FCHSD2: variants seen among roughly 807,000 people sequenced by gnomAD.
FCHSD2 encodes the protein F-BAR and double SH3 domains protein 2.
Under a neutral mutation model 108.1 loss-of-function variants are expected in FCHSD2, and 38 were observed. The observed-to-expected ratio is 0.35, with a 90% confidence interval of 0.27 to 0.46. The LOEUF is 0.46. Ranked by LOEUF, FCHSD2 falls within the 20% of genes least tolerant of loss-of-function variation. The pLI is 1.00. For synonymous variants in FCHSD2, 279 were observed against 314.7 expected (o/e 0.89, Z 1.20); for missense variants, 751 against 897.8 (o/e 0.84, Z 2.09).
intron 4 of FCHSD2, among the ~76,000 whole-genome samples, chr11:73,006,430 CATT>C (rs1342078148): frequency 8.5e-5 from 13 of 152,202 alleles, no homozygotes; most frequent in Admixed American, 5.9e-4. Flanking sequence ...CTGGAATCAT[CATT>C]GATTCCTCAT....
intron 3 of FCHSD2, among the ~76,000 whole-genome samples, chr11:73,080,392 C>CTGTA (rs1203971954): frequency 6.6e-6 from 1 of 151,016 alleles, no homozygotes; most frequent in African/African-American, 2.4e-5. Flanking sequence ...TGTAATTCCA[C>CTGTA]TGTACCTGCA....
chr11:72,993,018 G>T (rs1388779537), intron 5 of FCHSD2, among the ~76,000 whole-genome samples: 3 of 152,108 alleles, frequency 2.0e-5, no homozygotes, highest in African/African-American at 7.2e-5. Context: ...ATCTGACAAA[G>T]GGCTAATAAC....
chr11:72,911,813 T>C (rs1347299616), intron 9 of FCHSD2, among the ~76,000 whole-genome samples: 1 of 152,210 alleles, frequency 6.6e-6, no homozygotes, highest in Non-Finnish European at 1.5e-5. Context: ...ATCTCTTGAA[T>C]TCAAGCGATT....
rs1860750439 is a variant in FCHSD2 at position 72,837,069 on chromosome 11, T to C, written c.*1722A>G. ...GCTAAAGACAGAATACAAGACTGGG[T>C]GGCAAGAACTGCTCTATTTAATAAG... On this transcript the variant is annotated 3_prime_UTR_variant, in exon 20 of 20. Coordinates refer to ENST00000409418, the MANE Select transcript of FCHSD2 (RefSeq NM_014824.3). 6.6e-6 allele frequency: 1 copy of C among 152,178 alleles called. No individual in the cohort carries two copies. Among genetic ancestry groups the C allele is most frequent in the African/African-American group, 2.4e-5 (1 of 41,458 alleles). The allele number at this position is 152,178 out of a possible 1,614,324, so 9.4% of individuals were successfully genotyped here. A position where few individuals can be genotyped will look rare whatever the true frequency, so the allele number is the denominator to read the frequency against.
rs866154610 is a variant in FCHSD2 at position 72,967,660 on chromosome 11, G to A, written c.705+16428C>T. Among the ~76,000 whole-genome samples, 3 of 152,216 alleles carry A rather than the reference G, an allele frequency of 2.0e-5. No individual in the cohort carries two copies. In the Middle Eastern group the frequency reaches 0.01, roughly 518 times the overall value. ...CAATGGGGTATAGAGCTTTTTTGGGGGATAACAGAAATGTTCTGGAATGAG... is the reference window on the plus strand; with the variant it reads ...CAATGGGGTATAGAGCTTTTTTGGGAGATAACAGAAATGTTCTGGAATGAG... On this transcript the variant is annotated intron_variant, in intron 8 of 19. Transcript: ENST00000409418.
intron 8 of FCHSD2, among the ~76,000 whole-genome samples, chr11:72,931,958 C>T (rs1288482219): frequency 2.6e-5 from 4 of 152,152 alleles, no homozygotes; most frequent in African/African-American, 9.7e-5. Context: ...ATATTTTGAC[C>T]AGACACTACT....
intron 5 of FCHSD2, among the ~76,000 whole-genome samples, chr11:72,996,304 A>C (rs1857518171): frequency 6.6e-6 from 1 of 152,210 alleles, no homozygotes; most frequent in African/African-American, 2.4e-5. Context: ...AAATACTATC[A>C]GGGTTGTGTA....
intron 2 of FCHSD2, among the ~76,000 whole-genome samples, chr11:73,110,485 C>A (rs1408190955): frequency 6.6e-6 from 1 of 152,078 alleles, no homozygotes; most frequent in Non-Finnish European, 1.5e-5. Context: ...TATAGTTGTT[C>A]ATAGTACCCA....
At position 72,937,807 on chromosome 11, in the gene FCHSD2, A is replaced by G. The variant is rs1335271404; in HGVS notation, c.706-15857T>C. Among the ~76,000 whole-genome samples, 3 of 152,376 alleles carry G rather than the reference A, an allele frequency of 2.0e-5. No homozygotes were observed. The East Asian group carries it at 5.8e-4, about 29-fold the overall frequency. On this transcript the variant is annotated intron_variant, in intron 8 of 19. Transcript: ENST00000409418. ...ACAGGGTGCTAGAAGAGAGGCACCT[A>G]GACAAACATGAGGTTTAAAAATGAT...
intron 8 of FCHSD2, among the ~76,000 whole-genome samples, chr11:72,936,140 C>G (rs1856295838): frequency 6.6e-6 from 1 of 152,222 alleles, no homozygotes; most frequent in Admixed American, 6.5e-5. Flanking sequence ...CATTCCTTAT[C>G]TGACAGAATC....
chr11:73,010,328 C>A (rs918249769), intron 4 of FCHSD2, among the ~76,000 whole-genome samples: 1 of 152,088 alleles, frequency 6.6e-6, no homozygotes, highest in African/African-American at 2.4e-5. Flanking sequence ...TACTGTTTTT[C>A]AGAATTTTCT....
chr11:73,103,377 T>C (rs1420448492), intron 2 of FCHSD2, among the ~76,000 whole-genome samples: 1 of 152,206 alleles, frequency 6.6e-6, no homozygotes, highest in African/African-American at 2.4e-5. Context: ...AATTACTTCA[T>C]TGTTTCTGAA....
chr11:72,983,468 T>TA (rs1300173241), intron 8 of FCHSD2, among the ~76,000 whole-genome samples: 1 of 151,822 alleles, frequency 6.6e-6, no homozygotes. Context: ...ACCTTGTCTC[T>TA]AAAAAATTAA....
chr11:72,995,443 T>C (rs1047822018), intron 5 of FCHSD2, among the ~76,000 whole-genome samples: 1 of 152,048 alleles, frequency 6.6e-6, no homozygotes, highest in African/African-American at 2.4e-5. Context: ...GGCTCACACC[T>C]GTAATCTTAG....
chr11:73,043,113 G>A (rs111918239), intron 3 of FCHSD2, among the ~76,000 whole-genome samples: 1,540 of 152,234 alleles, frequency 0.01, 15 homozygotes, highest in Non-Finnish European at 0.016. Flanking sequence ...GTGAAAGTGG[G>A]CATCCTTGTC....
At chr11:72,917,319 C>T (rs1291659132) in intron 9 of FCHSD2, among the ~76,000 whole-genome samples, 1 of 152,104 alleles carries the variant, frequency 6.6e-6, no homozygotes, top group African/African-American at 2.4e-5. Flanking sequence ...ATCCAGCTGT[C>T]CCAAAACCTT....
At chr11:72,912,127 G>A (rs1855776487) in intron 9 of FCHSD2, among the ~76,000 whole-genome samples, 1 of 152,076 alleles carries the variant, frequency 6.6e-6, no homozygotes, top group Non-Finnish European at 1.5e-5. Flanking sequence ...TTCCACTTTG[G>A]ATGCTCTTTC....
At chr11:72,887,128 GAT>G (rs5792604) in intron 12 of FCHSD2, among the ~76,000 whole-genome samples, 12 of 148,968 alleles carry the variant, frequency 8.1e-5, no homozygotes, top group Admixed American at 6.7e-4. Flanking sequence ...TATATAAGGA[GAT>G]ATATATATAT....
At chr11:73,058,273 G>T (rs191351993) in intron 3 of FCHSD2, among the ~76,000 whole-genome samples, 6 of 152,232 alleles carry the variant, frequency 3.9e-5, no homozygotes, top group Middle Eastern at 3.4e-3. Context: ...AACACTTGAG[G>T]TTATTACAGC....
Sources: gnomAD v4.1 joint callset for allele counts (sites outside exome capture counted in the v4.1 genomes callset) on GRCh38, gnomAD v4.1.1 for gene constraint, MANE v1.5 for transcripts, NCBI Gene and HGNC (gene_info 2026-07-23, HGNC 2026-07-21) for gene names.